FMN2: variants seen among roughly 807,000 people sequenced by gnomAD.
FMN2 encodes the protein formin 2, also known as formin-2.
A neutral mutation model predicts 142.3 loss-of-function variants in FMN2; 51 were observed. The ratio of observed to expected loss-of-function variants is 0.36; its 90% CI spans 0.29 to 0.45. FMN2 has a LOEUF of 0.45. FMN2 is among the 20% of genes least tolerant of loss of function. FMN2 has a pLI of 1.00. For missense variants in FMN2, 1,936 were observed against 2,122.8 expected (o/e 0.91, Z 1.73); for synonymous variants, 882 against 869.8 (o/e 1.01, Z -0.25).
At chr1:240,385,219 A>C (rs9661858) in intron 14 of FMN2, among the ~76,000 whole-genome samples, 47,852 of 152,074 alleles carry the variant, frequency 0.31, 8,006 homozygotes, top group East Asian at 0.46. Context: ...TGAATCCCTA[A>C]ATTGAAATTA....
intron 1 of FMN2, among the ~76,000 whole-genome samples, chr1:240,121,139 A>T (rs974086658): frequency 2.3e-4 from 35 of 150,198 alleles, no homozygotes; most frequent in African/African-American, 8.1e-4. Flanking sequence ...GGTGACAGCG[A>T]AAGTCTATCT....
chr1:240,341,234 A>G (rs776232242), intron 13 of FMN2, among the ~76,000 whole-genome samples: 1 of 152,050 alleles, frequency 6.6e-6, no homozygotes, highest in African/African-American at 2.4e-5. Flanking sequence ...TGTTTTGGAT[A>G]TTTATCTTCC....
intron 7 of FMN2, among the ~76,000 whole-genome samples, chr1:240,282,207 A>G (rs1669420043): frequency 6.6e-6 from 1 of 152,170 alleles, no homozygotes; most frequent in Non-Finnish European, 1.5e-5. Context: ...ATGTGAATAA[A>G]CCAAAGCTCA....
intron 8 of FMN2, among the ~76,000 whole-genome samples, chr1:240,325,575 A>C (rs1228784571): frequency 6.6e-6 from 1 of 152,204 alleles, no homozygotes; most frequent in Non-Finnish European, 1.5e-5. Flanking sequence ...ACTGACACAC[A>C]TGGGGCTTTT....
At chr1:240,218,855 A>G (rs1185846887) in intron 6 of FMN2, among the ~76,000 whole-genome samples, 2 of 152,180 alleles carry the variant, frequency 1.3e-5, no homozygotes, top group African/African-American at 4.8e-5. Flanking sequence ...GTTTTGAGTA[A>G]TTCAAGTGAC....
chr1:240,447,350 A>T (rs898794970), intron 16 of FMN2, among the ~76,000 whole-genome samples: 3 of 152,216 alleles, frequency 2.0e-5, no homozygotes, highest in Non-Finnish European at 4.4e-5. Context: ...CCTACAAAAA[A>T]TAAGATAATA....
At chr1:240,232,197 G>A (rs1667549134) in intron 6 of FMN2, among the ~76,000 whole-genome samples, 1 of 150,490 alleles carries the variant, frequency 6.6e-6, no homozygotes, top group South Asian at 2.1e-4. Context: ...AGCCTCCCAA[G>A]TAGCTGGAAC....
intron 7 of FMN2, among the ~76,000 whole-genome samples, chr1:240,282,906 T>A (rs1277640272): frequency 6.6e-6 from 1 of 152,220 alleles, no homozygotes; most frequent in Non-Finnish European, 1.5e-5. Context: ...ATTTTTGTTA[T>A]GTAATATACA....
intron 2 of FMN2, among the ~76,000 whole-genome samples, chr1:240,134,502 G>A (rs1226033878): frequency 1.3e-5 from 2 of 152,102 alleles, no homozygotes; most frequent in Non-Finnish European, 2.9e-5. Context: ...GTGCACACCT[G>A]TAGTCCCAGC....
At chr1:240,318,603 T>C (rs1459468198) in intron 8 of FMN2, among the ~76,000 whole-genome samples, 1 of 152,190 alleles carries the variant, frequency 6.6e-6, no homozygotes, top group East Asian at 1.9e-4. Context: ...TTTGTACCAT[T>C]ATGTCCAGGT....
chr1:240,232,172 G>A (rs534114753), intron 6 of FMN2, among the ~76,000 whole-genome samples: 45 of 151,538 alleles, frequency 3.0e-4, no homozygotes, highest in Non-Finnish European at 5.7e-4. Flanking sequence ...TGGGTTCAAG[G>A]GATTCTCCTG....
intron 15 of FMN2, among the ~76,000 whole-genome samples, chr1:240,395,216 C>A (rs553709910): frequency 2.6e-5 from 4 of 152,242 alleles, no homozygotes; most frequent in Non-Finnish European, 5.9e-5. Context: ...TGCTGAGACC[C>A]ATTGCTCAGG....
At chr1:240,364,671 G>C (rs1227393455) in intron 14 of FMN2, among the ~76,000 whole-genome samples, 1 of 152,110 alleles carries the variant, frequency 6.6e-6, no homozygotes, top group Non-Finnish European at 1.5e-5. Context: ...ACAGGGAATC[G>C]ATTCCATATG....
At chr1:240,317,605 C>A (rs1162644671) in intron 8 of FMN2, among the ~76,000 whole-genome samples, 1 of 152,160 alleles carries the variant, frequency 6.6e-6, no homozygotes, top group Non-Finnish European at 1.5e-5. Flanking sequence ...AGTAGTATTT[C>A]ATGGTATGAA....
At chr1:240,106,903 C>CT (rs955971030) in intron 1 of FMN2, among the ~76,000 whole-genome samples, 62 of 151,764 alleles carry the variant, frequency 4.1e-4, no homozygotes, top group African/African-American at 1.5e-3. Context: ...AGGCTGGTCT[C>CT]TAACTCCTGA....
chr1:240,137,903 A>C (rs1043246078), intron 2 of FMN2, among the ~76,000 whole-genome samples: 2 of 152,010 alleles, frequency 1.3e-5, no homozygotes, highest in Non-Finnish European at 2.9e-5. Flanking sequence ...CAGCCTGGCC[A>C]ACATGGTGAA....
chr1:240,143,238 G>A lies in FMN2; in HGVS notation c.1782+19893G>A, dbSNP rs1452581291. 1.9e-6 allele frequency: 3 copies of A among 1,587,822 alleles called. No individual in the cohort carries two copies. The Admixed American group carries it at 5.0e-5, about 27-fold the overall frequency. On this transcript the variant is annotated intron_variant, in intron 2 of 17. Transcript: ENST00000319653. The stretch of plus-strand genomic sequence containing the variant: ...AAAAATGGAGTTATAGGAAACTTCT[G>A]GATCAGCATCATGAGATAATTTGCT...
At chr1:240,324,708 G>A (rs902665442) in intron 8 of FMN2, among the ~76,000 whole-genome samples, 4 of 143,520 alleles carry the variant, frequency 2.8e-5, no homozygotes, top group Non-Finnish European at 6.1e-5. Flanking sequence ...AGGGAGGGAG[G>A]GAGGGAAGAA....
intron 6 of FMN2, among the ~76,000 whole-genome samples, chr1:240,250,590 G>A (rs992678486): frequency 3.9e-5 from 6 of 152,196 alleles, no homozygotes; most frequent in African/African-American, 1.4e-4. Flanking sequence ...GGGTAATGCT[G>A]ACCTGGTGGA....
Sources: gnomAD v4.1 joint callset for allele counts (sites outside exome capture counted in the v4.1 genomes callset) on GRCh38, gnomAD v4.1.1 for gene constraint, MANE v1.5 for transcripts, NCBI Gene and HGNC (gene_info 2026-07-23, HGNC 2026-07-21) for gene names.